GIGYF2: variants seen among roughly 807,000 people sequenced by gnomAD.
The protein encoded by GIGYF2 is GRB10-interacting GYF protein 2.
A neutral mutation model predicts 208.1 loss-of-function variants in GIGYF2; 25 were observed. The observed-to-expected ratio is 0.12, with a 90% CI of 0.09 to 0.17. GIGYF2 has a LOEUF of 0.17. GIGYF2 is among the 10% of genes least tolerant of loss of function. The probability of loss-of-function intolerance (pLI) is 1.00; values close to 1 mark genes in which losing one functional copy is unlikely to be tolerated. For synonymous variants in GIGYF2, 534 were observed against 543.8 expected (o/e 0.98, Z 0.25); for missense variants, 1,302 against 1,579.4 (o/e 0.82, Z 2.98).
At chr2:232,842,553 G>A (rs771590681) in intron 23 of GIGYF2, among the ~76,000 whole-genome samples, 1 of 152,030 alleles carries the variant, frequency 6.6e-6, no homozygotes, top group African/African-American at 2.4e-5. Context: ...AATTATTTTT[G>A]TTTTGGTCTT....
chr2:232,759,392 A>G (rs1303625667), intron 6 of GIGYF2, among the ~76,000 whole-genome samples: 1 of 147,440 alleles, frequency 6.8e-6, no homozygotes, highest in African/African-American at 2.5e-5. Context: ...TCACCTGTGT[A>G]TTGAATACAA....
chr2:232,769,685 A>C (rs1427605435), intron 8 of GIGYF2, among the ~76,000 whole-genome samples: 1 of 152,068 alleles, frequency 6.6e-6, no homozygotes, highest in Non-Finnish European at 1.5e-5. Context: ...AGAGTTTCTT[A>C]ATCAGTTTTG....
chr2:232,733,039 G>A (rs1005468297), intron 2 of GIGYF2, among the ~76,000 whole-genome samples: 8 of 152,010 alleles, frequency 5.3e-5, no homozygotes, highest in African/African-American at 1.7e-4. Context: ...GGCTGATCAC[G>A]AGGTCAGGAG....
At chr2:232,784,321 A>T (rs1699825169) in intron 8 of GIGYF2, among the ~76,000 whole-genome samples, 1 of 151,240 alleles carries the variant, frequency 6.6e-6, no homozygotes, top group African/African-American at 2.4e-5. Context: ...ATAAAATGAA[A>T]TTTTAAATTT....
intron 8 of GIGYF2, among the ~76,000 whole-genome samples, chr2:232,785,929 T>C (rs1303296170): frequency 6.6e-6 from 1 of 152,276 alleles, no homozygotes; most frequent in Admixed American, 6.5e-5. Context: ...TTTATTGTTA[T>C]AAACTGAGGA....
At chr2:232,760,658 C>T (rs1013544224) in intron 7 of GIGYF2, 67 bp downstream of exon 7, 71 of 981,800 alleles carry the variant, frequency 7.2e-5, no homozygotes, top group Admixed American at 1.7e-4. Context: ...TTGCTTTCTG[C>T]GGGGAGAAAT....
intron 2 of GIGYF2, among the ~76,000 whole-genome samples, chr2:232,711,458 A>G (rs1320048902): frequency 6.6e-6 from 1 of 151,690 alleles, no homozygotes; most frequent in African/African-American, 2.4e-5. Flanking sequence ...TCTAAAAGGT[A>G]TTAGTTTATT....
rs368762401 is a variant in GIGYF2 at position 232,706,515 on chromosome 2, C to T, written c.-44+3026C>T. ...AGTTTGGCTGGGGCGTGGTGGCTCA[C>T]GCCTGTAATCCCATCCATTTGGGAG... On this transcript the variant is annotated intron_variant, in intron 2 of 28. Transcript: ENST00000373563. Among the ~76,000 whole-genome samples the T allele has an allele frequency of 4.6e-5, 7 of 152,118 alleles. No individual in the cohort carries two copies. In the South Asian group the frequency reaches 6.2e-4, roughly 13 times the overall value.
At chr2:232,829,960 TTC>T (rs1701376309) in intron 21 of GIGYF2, among the ~76,000 whole-genome samples, 2 of 152,050 alleles carry the variant, frequency 1.3e-5, no homozygotes, top group African/African-American at 4.8e-5. Context: ...CATTCATTCA[TTC>T]GTTTGTTTGT....
chr2:232,771,020 C>G, intron 8 of GIGYF2: 1 of 1,613,970 alleles, frequency 6.2e-7, no homozygotes. Flanking sequence ...AGTTGTGTCT[C>G]CAGGGAGAAG....
At chr2:232,720,583 A>ATTTTTTTTTT (rs1553605416) in intron 2 of GIGYF2, among the ~76,000 whole-genome samples, 10 of 144,906 alleles carry the variant, frequency 6.9e-5, no homozygotes, top group Non-Finnish European at 1.5e-4. Flanking sequence ...ATATATATAT[A>ATTTTTTTTTT]TTTTTGTTTG....
intron 17 of GIGYF2, among the ~76,000 whole-genome samples, chr2:232,812,055 T>C (rs1700749082): frequency 6.6e-6 from 1 of 152,242 alleles, no homozygotes; most frequent in Non-Finnish European, 1.5e-5. Flanking sequence ...ATGCTGTCTC[T>C]GTGACTTCTA....
At chr2:232,779,556 C>G (rs967982331) in intron 8 of GIGYF2, among the ~76,000 whole-genome samples, 1 of 152,176 alleles carries the variant, frequency 6.6e-6, no homozygotes, top group African/African-American at 2.4e-5. Context: ...TTTGAAGATG[C>G]CTAGTCTCTT....
intron 28 of GIGYF2, among the ~76,000 whole-genome samples, chr2:232,854,769 A>G (rs1690488056): frequency 6.6e-6 from 1 of 152,168 alleles, no homozygotes. Context: ...TATTACTGTT[A>G]CATTTCAAAT....
At chr2:232,804,573 C>A (rs969898981) in intron 14 of GIGYF2, among the ~76,000 whole-genome samples, 12 of 152,092 alleles carry the variant, frequency 7.9e-5, no homozygotes, top group African/African-American at 2.9e-4. Flanking sequence ...CTCCCTGCAA[C>A]CTCTGCTTCC....
In GIGYF2 at chr2:232,819,809, T is replaced by A; in HGVS notation, c.2371-18T>A. The A allele has an allele frequency of 4.9e-6, 2 of 404,486 alleles. No individual in the cohort carries two copies. The highest frequency in any genetic ancestry group is 9.1e-6 in the Non-Finnish European group (2 of 220,636). 25.1% of individuals were successfully genotyped at this position (404,486 alleles called of 1,614,324 possible). A position where few individuals can be genotyped will look rare whatever the true frequency, so the allele number is the denominator to read the frequency against. On this transcript the variant is annotated intron_variant, in intron 20 of 28. Coordinates refer to ENST00000373563, the MANE Select transcript of GIGYF2 (RefSeq NM_001103146.3). ...TGAGTCCCTCCCCCACCCCCCACCC[T>A]CCATCTTTTTTCCTTAGGAAGAGGC...
intron 8 of GIGYF2, among the ~76,000 whole-genome samples, chr2:232,777,987 C>T (rs886937860): frequency 1.3e-5 from 2 of 151,992 alleles, no homozygotes; most frequent in African/African-American, 4.8e-5. Flanking sequence ...TGCTGTGTCA[C>T]CCAGGCTGGA....
At chr2:232,709,538 C>T (rs1696284914) in intron 2 of GIGYF2, among the ~76,000 whole-genome samples, 1 of 152,060 alleles carries the variant, frequency 6.6e-6, no homozygotes, top group Non-Finnish European at 1.5e-5. Context: ...AGGCCGGGCG[C>T]GGTGGCTCTT....
intron 2 of GIGYF2, among the ~76,000 whole-genome samples, chr2:232,712,755 C>T (rs1696481579): frequency 1.3e-5 from 2 of 152,028 alleles, no homozygotes; most frequent in South Asian, 4.2e-4. Context: ...TAAACTGCTG[C>T]TTTGAGGAGT....
Sources: gnomAD v4.1 joint callset for allele counts (sites outside exome capture counted in the v4.1 genomes callset) on GRCh38, gnomAD v4.1.1 for gene constraint, MANE v1.5 for transcripts, NCBI Gene and HGNC (gene_info 2026-07-23, HGNC 2026-07-21) for gene names.